Variants in ATAD2B observed in about 807,000 individuals in gnomAD.
ATAD2B encodes ATPase family AAA domain containing 2B, also known as ATPase family AAA domain-containing protein 2B.
Under a neutral mutation model 167.6 loss-of-function variants are expected in ATAD2B, and 40 were observed. That is an observed-to-expected ratio of 0.24 (90% CI 0.19 to 0.31). The LOEUF (loss-of-function observed/expected upper bound fraction) is 0.31, where lower values mean the gene tolerates loss of function less well. Among genes scored for constraint, ATAD2B ranks in the 10% least tolerant of loss-of-function variants. ATAD2B has a pLI of 1.00. For missense variants in ATAD2B, 1,242 were observed against 1,757.2 expected (o/e 0.71, Z 5.24); for synonymous variants, 579 against 596.5 (o/e 0.97, Z 0.43).
At chr2:23,926,046 C>G (rs1704736820) in intron 1 of ATAD2B, among the ~76,000 whole-genome samples, 1 of 152,176 alleles carries the variant, frequency 6.6e-6, no homozygotes, top group South Asian at 2.1e-4. Context: ...TTTTCAGCAT[C>G]CCTGCCTGGC....
rs757248671 is a variant in ATAD2B, at chr2:23,887,895, C to T, written c.509G>A (p.Arg170His). ...ACTTTCAAATCTGTTTTTCCTGGAA[C>T]GACAACTTTTTCTGACTTCCATGTC... ...NGDMEVRKSC[R>H]SRKNRFESVN... is the part of the protein sequence containing the mutation. Residue 170 changes from arginine to histidine, a missense_variant, in exon 4 of 28, where the codon CGT (arginine) becomes CAT (histidine). Arg to His is a conservative substitution (Grantham distance 29, BLOSUM62 0). Coordinates refer to ENST00000238789, the MANE Select transcript of ATAD2B (RefSeq NM_017552.4). The T allele has an allele frequency of 3.1e-5, 50 of 1,610,546 alleles. No individual in the cohort carries two copies. The highest frequency in any genetic ancestry group is 4.1e-5 in the Non-Finnish European group (48 of 1,178,814).
intron 17 of ATAD2B, 140 bp from the exon 18 acceptor site, chr2:23,810,642 T>G (rs1685415377): frequency 1.6e-6 from 1 of 638,864 alleles, no homozygotes. Flanking sequence ...TATAGTGACT[T>G]ATTTTTTTAT....
chr2:23,795,075 A>T (rs1196350670), intron 19 of ATAD2B, among the ~76,000 whole-genome samples: 1 of 152,064 alleles, frequency 6.6e-6, no homozygotes, highest in Non-Finnish European at 1.5e-5. Context: ...GAGCAGGAAA[A>T]CTTCCTTTCT....
At chr2:23,759,915 G>C (rs1332688096) in intron 24 of ATAD2B, among the ~76,000 whole-genome samples, 1 of 152,188 alleles carries the variant, frequency 6.6e-6, no homozygotes, top group Admixed American at 6.5e-5. Flanking sequence ...AGCGCTATTA[G>C]GCTTTTACTA....
In ATAD2B at chr2:23,834,096, G is replaced by T; in HGVS notation, c.1569-18C>A. 1 of 1,485,378 alleles carries T rather than the reference G, an allele frequency of 6.7e-7. No homozygotes were observed. The highest frequency in any genetic ancestry group is 1.3e-5 in the South Asian group (1 of 77,318). The allele number at this position is 1,485,378 out of a possible 1,614,324, so 92.0% of individuals were successfully genotyped here. The stretch of plus-strand genomic sequence containing the variant: ...CTATAGAGCTGTAAAATAATTTTCA[G>T]GCAAAATTAAAAGAATTGTAAACAC... On this transcript the variant is annotated intron_variant, in intron 13 of 27. Coordinates refer to ENST00000238789, the MANE Select transcript of ATAD2B (RefSeq NM_017552.4).
At position 23,898,870 on chromosome 2, in the gene ATAD2B, CA is replaced by C. The variant is rs571346944; in HGVS notation, c.217-2901del. 2.4e-4 allele frequency among the ~76,000 whole-genome samples: 36 copies of C among 152,116 alleles called. No individual in the cohort carries two copies. In the East Asian group the frequency reaches 5.0e-3, roughly 21 times the overall value. On this transcript the variant is annotated intron_variant, in intron 1 of 27. Coordinates refer to ENST00000238789, the MANE Select transcript of ATAD2B (RefSeq NM_017552.4). ...ACTTAAAAATAAAAATTAGTTAAGT[CA>C]GGGGCAGTGGCTCATGCCTGTAATC...
At chr2:23,835,418 A>G (rs1165184749) in intron 13 of ATAD2B, among the ~76,000 whole-genome samples, 1 of 152,252 alleles carries the variant, frequency 6.6e-6, no homozygotes, top group African/African-American at 2.4e-5. Context: ...AAAAGGCCAC[A>G]TATTATATGA....
At chr2:23,772,501 A>AT (rs1678481374) in intron 22 of ATAD2B, among the ~76,000 whole-genome samples, 1 of 152,180 alleles carries the variant, frequency 6.6e-6, no homozygotes, top group Non-Finnish European at 1.5e-5. Flanking sequence ...CTAAAAAAAA[A>AT]GGTAAGATTA....
At chr2:23,786,277 T>C in intron 20 of ATAD2B, 54 bp from the exon 21 acceptor site, 1 of 1,383,850 alleles carries the variant, frequency 7.2e-7, no homozygotes, top group South Asian at 1.4e-5. Context: ...CCAGGACCCT[T>C]TTTTGGCATT....
chr2:23,791,900 A>C (rs1011282031), intron 19 of ATAD2B, among the ~76,000 whole-genome samples: 1 of 152,122 alleles, frequency 6.6e-6, no homozygotes, highest in African/African-American at 2.4e-5. Flanking sequence ...AGTACCTAGA[A>C]CTTGATTGGC....
At position 23,892,407 on chromosome 2, in the gene ATAD2B, G is replaced by A. The variant is rs1031728150; in HGVS notation, c.368+3412C>T. Among the ~76,000 whole-genome samples the A allele has an allele frequency of 8.0e-4, 121 of 151,346 alleles. 1 individual carries two copies. Among genetic ancestry groups the A allele is most frequent in the African/African-American group, 2.9e-3 (118 of 41,268 alleles). ...TCTCTATCTCCTGACCTCGTGATCC[G>A]CCCGCCTCGGCCTCCCAAAGTGCTG... On this transcript the variant is annotated intron_variant, in intron 2 of 27. Coordinates refer to ENST00000238789, the MANE Select transcript of ATAD2B (RefSeq NM_017552.4).
intron 17 of ATAD2B, among the ~76,000 whole-genome samples, chr2:23,817,756 C>CTGTCTCA (rs1213643275): frequency 6.6e-6 from 1 of 152,116 alleles, no homozygotes; most frequent in Non-Finnish European, 1.5e-5. Flanking sequence ...TAGCATATAG[C>CTGTCTCA]TGTCTCATTA....
At chr2:23,759,598 G>A (rs1026251723) in intron 24 of ATAD2B, among the ~76,000 whole-genome samples, 2 of 152,002 alleles carry the variant, frequency 1.3e-5, no homozygotes, top group Non-Finnish European at 2.9e-5. Context: ...ATCTCCTAAA[G>A]GTTTCTGAAA....
intron 2 of ATAD2B, 44 bp from the exon 3 acceptor site, chr2:23,888,443 C>T: frequency 2.5e-6 from 3 of 1,208,116 alleles, no homozygotes. Flanking sequence ...TCAACATTTG[C>T]TTATATAAGC....
intron 19 of ATAD2B, among the ~76,000 whole-genome samples, chr2:23,790,284 G>A (rs1236096779): frequency 6.6e-6 from 1 of 152,160 alleles, no homozygotes; most frequent in Non-Finnish European, 1.5e-5. Context: ...TACTGTAACA[G>A]AGGTAGCAAA....
chr2:23,891,539 A>AC (rs1363022963), intron 2 of ATAD2B, among the ~76,000 whole-genome samples: 2 of 151,936 alleles, frequency 1.3e-5, no homozygotes, highest in African/African-American at 4.8e-5. Flanking sequence ...TCTGTCGCCC[A>AC]CGGTGGAGTG....
At chr2:23,702,249 T>C in the ATAD2B span, among the ~76,000 whole-genome samples, 1 of 152,198 alleles carries the variant, frequency 6.6e-6, no homozygotes, top group African/African-American at 2.4e-5. Flanking sequence ...CAAAAATGCA[T>C]TTAATACACC....
At chr2:23,845,073 TC>T (rs1270797229) in intron 13 of ATAD2B, among the ~76,000 whole-genome samples, 3 of 151,980 alleles carry the variant, frequency 2.0e-5, no homozygotes, top group Non-Finnish European at 4.4e-5. Flanking sequence ...AAGACCAACA[TC>T]TTTAAAGCAC....
the ATAD2B span, among the ~76,000 whole-genome samples, chr2:23,734,858 T>G: frequency 2.6e-5 from 4 of 152,176 alleles, no homozygotes; most frequent in Non-Finnish European, 5.9e-5. Context: ...ATCATTGTAT[T>G]TAACCAAATT....
Sources: gnomAD v4.1 joint callset for allele counts (sites outside exome capture counted in the v4.1 genomes callset) on GRCh38, gnomAD v4.1.1 for gene constraint, MANE v1.5 for transcripts, NCBI Gene and HGNC (gene_info 2026-07-23, HGNC 2026-07-21) for gene names.